The following CD48 variants were observed in gnomAD, a reference collection of about 807,000 sequenced individuals.
The protein encoded by CD48 is CD48 molecule.
Under a neutral mutation model 22.0 loss-of-function variants are expected in CD48, and 20 were observed. The observed-to-expected ratio is 0.91, with a 90% CI of 0.64 to 1.32. The LOEUF is 1.32. Among genes scored for constraint, CD48 ranks in the 40% most tolerant of loss-of-function variants. CD48 has a pLI of 0.00. For synonymous variants in CD48, 110 were observed against 110.1 expected, an observed-to-expected ratio of 1.00 and a Z score of 0.01; for missense variants, 307 against 286.5, an observed-to-expected ratio of 1.07 and a Z score of -0.52.
intron 1 of CD48, among the ~76,000 whole-genome samples, chr1:160,703,638 T>C (rs1366674013): frequency 1.3e-5 from 2 of 152,162 alleles, no homozygotes; most frequent in Non-Finnish European, 2.9e-5. Flanking sequence ...GAACACACTG[T>C]ATAGTATGTA....
At chr1:160,710,641 A>G (rs754179961) in intron 1 of CD48, among the ~76,000 whole-genome samples, 7 of 152,216 alleles carry the variant, frequency 4.6e-5, no homozygotes, top group Non-Finnish European at 8.8e-5. Context: ...ACTTCACATC[A>G]GCCCCCAATC....
At chr1:160,704,357 C>T (rs1021983236) in intron 1 of CD48, among the ~76,000 whole-genome samples, 2 of 152,174 alleles carry the variant, frequency 1.3e-5, no homozygotes, top group Non-Finnish European at 2.9e-5. Context: ...TGAGGTCTGG[C>T]CAAGGGGAAG....
At chr1:160,688,672 C>T (rs1380189065) in intron 1 of CD48, among the ~76,000 whole-genome samples, 1 of 152,116 alleles carries the variant, frequency 6.6e-6, no homozygotes, top group Non-Finnish European at 1.5e-5. Flanking sequence ...CCAGACATGG[C>T]AATAGCCAAT....
chr1:160,697,892 G>A (rs1453192354), intron 1 of CD48, among the ~76,000 whole-genome samples: 1 of 152,138 alleles, frequency 6.6e-6, no homozygotes, highest in Non-Finnish European at 1.5e-5. Flanking sequence ...AGAAAGTCTA[G>A]ACAAACATAA....
chr1:160,706,076 T>TATA (rs1662784287), intron 1 of CD48, among the ~76,000 whole-genome samples: 2 of 152,102 alleles, frequency 1.3e-5, no homozygotes, highest in South Asian at 4.2e-4. Flanking sequence ...AGATCACTTA[T>TATA]ATATATATAA....
rs191914376 is a variant in CD48, at chr1:160,701,191, A to G, written c.82+10491T>C. On this transcript the variant is annotated intron_variant, in intron 1 of 3. Coordinates refer to ENST00000368046, the MANE Select transcript of CD48 (RefSeq NM_001778.4). ...AAAGCAATATAAAAAAAAATCTTTAAGATCAATAACTATGAGAGGCTAATT... is the reference window on the plus strand; with the variant it reads ...AAAGCAATATAAAAAAAAATCTTTAGGATCAATAACTATGAGAGGCTAATT... Among the ~76,000 whole-genome samples, 1,096 of 136,252 alleles carry G rather than the reference A, an allele frequency of 8.0e-3. 14 individuals are homozygous for G. The highest frequency in any genetic ancestry group is 0.029 in the African/African-American group (1,044 of 36,546). 89.4% of individuals were successfully genotyped at this position (136,252 alleles called of 152,430 possible). A position where few individuals can be genotyped will look rare whatever the true frequency, so the allele number is the denominator to read the frequency against.
At chr1:160,687,120 G>A (rs1240310746) in intron 1 of CD48, among the ~76,000 whole-genome samples, 2 of 152,094 alleles carry the variant, frequency 1.3e-5, no homozygotes, top group Admixed American at 1.3e-4. Flanking sequence ...CTCTTTCTCA[G>A]GGATGTTCCA....
chr1:160,681,918 G>A (rs1026775781), intron 2 of CD48, among the ~76,000 whole-genome samples: 1 of 152,204 alleles, frequency 6.6e-6, no homozygotes, highest in African/African-American at 2.4e-5. Flanking sequence ...TAAGGTAAGA[G>A]GTACCTGTCT....
intron 2 of CD48, among the ~76,000 whole-genome samples, chr1:160,682,190 G>T (rs55857101): frequency 0.15 from 22,469 of 151,840 alleles, 1,801 homozygotes; most frequent in Non-Finnish European, 0.17. Context: ...GCTCACACCT[G>T]TAATCTCAGC....
intron 1 of CD48, among the ~76,000 whole-genome samples, chr1:160,708,037 G>A (rs778400073): frequency 3.3e-5 from 5 of 152,158 alleles, no homozygotes; most frequent in Non-Finnish European, 5.9e-5. Flanking sequence ...AGGAAAATAC[G>A]GAATGCTTAG....
In CD48 at chr1:160,685,034, T is replaced by C. The variant is rs761260265; in HGVS notation, c.238A>G (p.Lys80Glu). 4 of 1,614,116 alleles carry C rather than the reference T, an allele frequency of 2.5e-6. No homozygotes were observed. The African/African-American group carries it at 4.0e-5, about 16-fold the overall frequency. The change falls in exon 2 of 4, where the codon AAA becomes GAA. Residue 80 changes from lysine (K) to glutamate (E), a missense_variant. Lys to Glu is a moderately conservative substitution (Grantham distance 56). Transcript: ENST00000368046. ...DSRKSKYFESKFKGRVRLDPQ... is the reference protein window; with the variant it reads ...DSRKSKYFESEFKGRVRLDPQ... The stretch of plus-strand genomic sequence containing the variant: ...TCAAGTCTGACCCTGCCTTTAAATT[T>C]GGATTCAAAGTACTTAGATTTTCTG...
chr1:160,681,690 GT>G (rs1158982726), intron 2 of CD48, among the ~76,000 whole-genome samples: 1 of 152,156 alleles, frequency 6.6e-6, no homozygotes, highest in Non-Finnish European at 1.5e-5. Flanking sequence ...GCTAAGCTGC[GT>G]CCTGGAGGGG....
chr1:160,684,759 G>T, intron 2 of CD48, 128 bp downstream of exon 2: 1 of 1,604,398 alleles, frequency 6.2e-7, no homozygotes, highest in South Asian at 1.1e-5. Flanking sequence ...AAGGAAAAAT[G>T]AATCAAACCT....
intron 1 of CD48, among the ~76,000 whole-genome samples, chr1:160,697,780 T>C (rs953461256): frequency 6.8e-6 from 1 of 147,152 alleles, no homozygotes; most frequent in Non-Finnish European, 1.5e-5. Context: ...TCGAAACTAT[T>C]ATAGATTGGG....
chr1:160,684,918 C>T lies in CD48; in HGVS notation c.354G>A (p.Glu118=). 2 of 1,614,126 alleles carry T rather than the reference C, an allele frequency of 1.2e-6. No individual in the cohort carries two copies. The highest frequency in any genetic ancestry group is 1.7e-5 in the Admixed American group (1 of 60,018). The change falls in exon 2 of 4, where the codon GAG becomes GAA. Residue 118 remains glutamate (E), a synonymous_variant. Transcript: ENST00000368046. ...IMRVLKKTGN[E]QEWKIKLQVL... ...CTTGCAGCTTGATCTTCCATTCTTG[C>T]TCATTCCCAGTCTTTTTCAACACCC... is the stretch of plus-strand genomic sequence containing the variant.
At chr1:160,686,885 C>T (rs1662022836) in intron 1 of CD48, among the ~76,000 whole-genome samples, 1 of 152,134 alleles carries the variant, frequency 6.6e-6, no homozygotes, top group Non-Finnish European at 1.5e-5. Context: ...ATTAAAATTG[C>T]TAATGAAGTT....
intron 1 of CD48, among the ~76,000 whole-genome samples, chr1:160,689,785 C>T (rs1450469885): frequency 6.6e-6 from 1 of 152,098 alleles, no homozygotes; most frequent in Admixed American, 6.5e-5. Flanking sequence ...CTGGTGGGTA[C>T]CTAGACATGG....
chr1:160,679,214 G>T, intron 3 of CD48, 83 bp from the exon 4 acceptor site: 1 of 1,047,018 alleles, frequency 9.6e-7, no homozygotes, highest in Non-Finnish European at 1.5e-6. Flanking sequence ...ACTGGACACT[G>T]GTGTGGGAGC....
At position 160,681,400 on chromosome 1, in the gene CD48, G is replaced by A. The variant is rs146790204; in HGVS notation, c.454C>T (p.Leu152=). 96 of 1,614,038 alleles carry A rather than the reference G, an allele frequency of 5.9e-5. 1 individual carries two copies. The highest frequency in any genetic ancestry group is 7.4e-5 in the Non-Finnish European group (87 of 1,180,004). ...GACTCGCCAGGTATCACACATGACA[G>A]TTTCAGATAACAGTTGTCATCCATG... The part of the protein sequence containing the change: ...EDMDDNCYLK[L]SCVIPGESVN... Residue 152 remains leucine, a synonymous_variant, in exon 3 of 4, where the codon CTG becomes TTG. Transcript: ENST00000368046.
Sources: allele counts gnomAD v4.1 joint callset (sites outside exome capture counted in the v4.1 genomes callset), GRCh38; gene constraint gnomAD v4.1.1; transcripts MANE v1.5; gene names NCBI Gene and HGNC (gene_info 2026-07-23, HGNC 2026-07-21).